The following DYNC2I2 variants were observed in gnomAD, a reference collection of about 807,000 sequenced individuals.
DYNC2I2 encodes dynein 2 intermediate chain 2.
Under a neutral mutation model 52.0 loss-of-function variants are expected in DYNC2I2, and 39 were observed. That is an observed-to-expected ratio of 0.75 (90% CI 0.58 to 0.98). DYNC2I2 has a LOEUF of 0.98. Among genes scored for constraint, DYNC2I2 ranks in the 50% least tolerant of loss-of-function variants. DYNC2I2 has a pLI of 0.00. For missense variants in DYNC2I2, 743 were observed against 728.4 expected (o/e 1.02, Z -0.23); for synonymous variants, 359 against 321.1 (o/e 1.12, Z -1.26).
rs775749607 is a variant in DYNC2I2, at chr9:128,634,347, G to A, written c.1251C>T (p.Val417=). Residue 417 remains valine (V), a synonymous_variant, in exon 8 of 9, where the codon GTC becomes GTT. Coordinates refer to ENST00000372715, the MANE Select transcript of DYNC2I2 (RefSeq NM_052844.4). ...LFLSAGTDGH[V]HLYSMLQAPP... ...GGGCCTGCAGCATGGAGTACAGGTGGACATGCCCGTCAGTCCCAGCGCTCA... is the reference window on the plus strand; with the variant it reads ...GGGCCTGCAGCATGGAGTACAGGTGAACATGCCCGTCAGTCCCAGCGCTCA... The A allele has an allele frequency of 4.4e-6, 7 of 1,606,164 alleles. No individual in the cohort carries two copies. The highest frequency in any genetic ancestry group is 3.5e-5 in the Admixed American group (2 of 57,686).
the DYNC2I2 span, among the ~76,000 whole-genome samples, chr9:128,670,387 C>A: frequency 6.6e-6 from 1 of 151,800 alleles, no homozygotes. Context: ...TTGCAGTGAG[C>A]TGAGATTGTG....
At chr9:128,682,428 GCACTT>G in the DYNC2I2 span, among the ~76,000 whole-genome samples, 47 of 152,152 alleles carry the variant, frequency 3.1e-4, no homozygotes, top group East Asian at 4.7e-3. Context: ...TGTAATACTA[GCACTT>G]TGGGAGGCTG....
chr9:128,654,798 C>A (rs1860784571), intron 1 of DYNC2I2, among the ~76,000 whole-genome samples: 1 of 152,180 alleles, frequency 6.6e-6, no homozygotes, highest in Non-Finnish European at 1.5e-5. Flanking sequence ...TCCTCCAAAT[C>A]TTTGCTAAAA....
chr9:128,662,629 G>A, the DYNC2I2 span, among the ~76,000 whole-genome samples: 1 of 151,950 alleles, frequency 6.6e-6, no homozygotes, highest in Non-Finnish European at 1.5e-5. Context: ...CCCCAGGCTG[G>A]AGTGTAGTGG....
the DYNC2I2 span, among the ~76,000 whole-genome samples, chr9:128,679,132 A>G: frequency 6.6e-6 from 1 of 152,164 alleles, no homozygotes; most frequent in African/African-American, 2.4e-5. Context: ...ACAGATATAT[A>G]CACTGAGACT....
chr9:128,648,761 C>T (rs1323908815), intron 1 of DYNC2I2, among the ~76,000 whole-genome samples: 1 of 149,820 alleles, frequency 6.7e-6, no homozygotes, highest in African/African-American at 2.5e-5. Flanking sequence ...GATCGTGCCA[C>T]TGCACTACAG....
intron 1 of DYNC2I2, among the ~76,000 whole-genome samples, chr9:128,642,210 C>A (rs538378884): frequency 3.3e-4 from 49 of 150,016 alleles, no homozygotes; most frequent in Non-Finnish European, 6.7e-4. Flanking sequence ...TGGCGTGAAC[C>A]CAGGAGGCGG....
At chr9:128,679,989 C>T in the DYNC2I2 span, among the ~76,000 whole-genome samples, 1 of 152,146 alleles carries the variant, frequency 6.6e-6, no homozygotes, top group South Asian at 2.1e-4. Context: ...TTCCACATAC[C>T]CTTATACCAC....
chr9:128,638,626 T>G (rs1860456950), intron 2 of DYNC2I2, among the ~76,000 whole-genome samples: 1 of 150,034 alleles, frequency 6.7e-6, no homozygotes, highest in Non-Finnish European at 1.5e-5. Context: ...CTGCAGCATG[T>G]GCAAGAGGTG....
intron 1 of DYNC2I2, among the ~76,000 whole-genome samples, chr9:128,643,072 G>A (rs1860548174): frequency 6.6e-6 from 1 of 152,070 alleles, no homozygotes; most frequent in South Asian, 2.1e-4. Flanking sequence ...GGAGTGTAGT[G>A]GGCCAGAATA....
At chr9:128,677,807 T>A in the DYNC2I2 span, among the ~76,000 whole-genome samples, 2 of 152,000 alleles carry the variant, frequency 1.3e-5, no homozygotes, top group Non-Finnish European at 2.9e-5. Context: ...AAACTCCATC[T>A]GAAAAACAAC....
intron 1 of DYNC2I2, among the ~76,000 whole-genome samples, chr9:128,649,269 C>T (rs949433956): frequency 6.6e-6 from 1 of 151,976 alleles, no homozygotes; most frequent in African/African-American, 2.4e-5. Context: ...CAAAGCAAGA[C>T]CTCTGACTCT....
At chr9:128,656,888 C>T (rs1401036477), upstream of DYNC2I2, 2 of 745,338 alleles carry the variant, frequency 2.7e-6, no homozygotes, top group Non-Finnish European at 3.9e-6. Context: ...CGATTCTTCT[C>T]GGCCAGAGAG....
At chr9:128,656,505 C>T in intron 1 of DYNC2I2, 36 bp downstream of exon 1, 1 of 1,249,538 alleles carries the variant, frequency 8.0e-7, no homozygotes, top group Non-Finnish European at 1.0e-6. Context: ...CCCGCCTTCC[C>T]GCCCGCGTCG....
At chr9:128,669,456 A>T in the DYNC2I2 span, among the ~76,000 whole-genome samples, 1 of 152,084 alleles carries the variant, frequency 6.6e-6, no homozygotes, top group Admixed American at 6.6e-5. Context: ...CCAGCACTTC[A>T]GGAGGCTGAG....
chr9:128,634,681 C>A lies in DYNC2I2; in HGVS notation c.1214+8G>T. On this transcript the variant is annotated splice_region_variant and intron_variant, in intron 7 of 8. Transcript: ENST00000372715. ...GGCCCCACTGTGCCCCAGGCCTGCC[C>A]TACGTACCTGTGGAAGGGGGAACAG... The A allele has an allele frequency of 6.5e-7, 1 of 1,540,002 alleles. No individual in the cohort carries two copies. Among genetic ancestry groups the A allele is most frequent in the Non-Finnish European group, 8.8e-7 (1 of 1,140,518 alleles).
chr9:128,643,573 C>A (rs547320025), intron 1 of DYNC2I2, among the ~76,000 whole-genome samples: 1 of 151,008 alleles, frequency 6.6e-6, no homozygotes, highest in Non-Finnish European at 1.5e-5. Context: ...ATCCTGTAGT[C>A]CCCAGCTACT....
chr9:128,640,583 G>T, intron 2 of DYNC2I2, 108 bp downstream of exon 2: 2 of 1,506,604 alleles, frequency 1.3e-6, no homozygotes, highest in Non-Finnish European at 1.8e-6. Flanking sequence ...CCTGGTGATT[G>T]CTGGCCGTGA....
At chr9:128,643,243 GA>G (rs1860551195) in intron 1 of DYNC2I2, among the ~76,000 whole-genome samples, 1 of 152,016 alleles carries the variant, frequency 6.6e-6, no homozygotes, top group Non-Finnish European at 1.5e-5. Context: ...AAATTTGCCA[GA>G]AGCCAGGCGC....
Sources: gnomAD v4.1 joint callset for allele counts (sites outside exome capture counted in the v4.1 genomes callset) on GRCh38, gnomAD v4.1.1 for gene constraint, MANE v1.5 for transcripts, NCBI Gene and HGNC (gene_info 2026-07-23, HGNC 2026-07-21) for gene names.